The following CPA6 variants were observed in gnomAD, a reference collection of about 807,000 sequenced individuals.
The protein encoded by CPA6 is carboxypeptidase A6, also known as carboxypeptidase B.
Under a neutral mutation model 63.3 loss-of-function variants are expected in CPA6, and 58 were observed. The observed-to-expected ratio is 0.92, with a 90% CI of 0.74 to 1.14. The LOEUF is 1.14. Among genes scored for constraint, CPA6 ranks in the 50% most tolerant of loss-of-function variants. The pLI, the probability that CPA6 is intolerant of heterozygous loss-of-function variation, is 0.00. For missense variants in CPA6, 565 were observed against 526.6 expected, an observed-to-expected ratio of 1.07 and a Z score of -0.71; for synonymous variants, 185 against 179.0, an observed-to-expected ratio of 1.03 and a Z score of -0.27.
intron 1 of CPA6, among the ~76,000 whole-genome samples, chr8:67,640,371 C>G (rs902836156): frequency 6.6e-6 from 1 of 151,490 alleles, no homozygotes; most frequent in East Asian, 1.9e-4. Context: ...TGCCCCAAAT[C>G]CAGAGGGGGT....
chr8:67,543,068 T>C (rs1587541077), intron 2 of CPA6, among the ~76,000 whole-genome samples: 1 of 152,384 alleles, frequency 6.6e-6, no homozygotes, highest in Middle Eastern at 3.4e-3. Flanking sequence ...TTCTTGTTGT[T>C]GTTGTTAGTA....
At chr8:67,546,597 C>A (rs1413441656) in intron 2 of CPA6, among the ~76,000 whole-genome samples, 3 of 152,194 alleles carry the variant, frequency 2.0e-5, no homozygotes, top group Non-Finnish European at 4.4e-5. Context: ...TCAGGATTAG[C>A]TTGAAGAGCT....
At chr8:67,438,045 T>C (rs1810202172) in intron 8 of CPA6, among the ~76,000 whole-genome samples, 1 of 152,106 alleles carries the variant, frequency 6.6e-6, no homozygotes, top group African/African-American at 2.4e-5. Flanking sequence ...GCCTCCCGAG[T>C]ACCTGAGATT....
At chr8:67,656,919 A>C (rs1815998923) in intron 1 of CPA6, among the ~76,000 whole-genome samples, 1 of 152,218 alleles carries the variant, frequency 6.6e-6, no homozygotes, top group South Asian at 2.1e-4. Context: ...TTGGCATCAA[A>C]GCCTGACTCA....
intron 1 of CPA6, among the ~76,000 whole-genome samples, chr8:67,630,253 G>T (rs2128987935): frequency 6.6e-6 from 1 of 152,084 alleles, no homozygotes; most frequent in Non-Finnish European, 1.5e-5. Flanking sequence ...ACTCTGGATA[G>T]GACGCCATCC....
intron 2 of CPA6, among the ~76,000 whole-genome samples, chr8:67,599,780 G>C (rs544194205): frequency 6.6e-6 from 1 of 152,312 alleles, no homozygotes; most frequent in African/African-American, 2.4e-5. Context: ...AGAATGCCAT[G>C]ATGATACTTT....
At chr8:67,474,676 T>C (rs887562969) in intron 8 of CPA6, among the ~76,000 whole-genome samples, 1 of 152,104 alleles carries the variant, frequency 6.6e-6, no homozygotes, top group African/African-American at 2.4e-5. Context: ...AGAAACATAA[T>C]TAAGAACCAG....
intron 6 of CPA6, among the ~76,000 whole-genome samples, chr8:67,495,881 C>T (rs931085439): frequency 1.3e-5 from 2 of 152,042 alleles, no homozygotes; most frequent in African/African-American, 2.4e-5. Context: ...TTCATTGGAC[C>T]AAACTCTGCC....
chr8:67,518,681 A>T (rs1587514921), intron 2 of CPA6, among the ~76,000 whole-genome samples: 1 of 148,638 alleles, frequency 6.7e-6, no homozygotes, highest in Non-Finnish European at 1.5e-5. Flanking sequence ...TAATTTTTGT[A>T]TTTTTTTTTA....
chr8:67,554,628 C>A (rs1328276630), intron 2 of CPA6, among the ~76,000 whole-genome samples: 1 of 152,178 alleles, frequency 6.6e-6, no homozygotes, highest in Admixed American at 6.5e-5. Flanking sequence ...ATGACTCAGT[C>A]CAAGTCCAAA....
At chr8:67,458,289 C>A (rs57438989) in intron 8 of CPA6, among the ~76,000 whole-genome samples, 9,986 of 152,130 alleles carry the variant, frequency 0.066, 732 homozygotes, top group African/African-American at 0.18. Context: ...CTCCACCTCC[C>A]AGGTTCAAGT....
At chr8:67,672,066 G>A (rs1335814911) in intron 1 of CPA6, among the ~76,000 whole-genome samples, 1 of 152,160 alleles carries the variant, frequency 6.6e-6, no homozygotes, top group Non-Finnish European at 1.5e-5. Context: ...CTGACCTCAT[G>A]TGATCCACCT....
chr8:67,503,053 T>G (rs1390785067), intron 6 of CPA6, among the ~76,000 whole-genome samples: 1 of 152,174 alleles, frequency 6.6e-6, no homozygotes, highest in Non-Finnish European at 1.5e-5. Flanking sequence ...ATTTGTTTAT[T>G]TTTGAGATGG....
At chr8:67,663,529 C>A (rs1024024764) in intron 1 of CPA6, among the ~76,000 whole-genome samples, 1 of 152,102 alleles carries the variant, frequency 6.6e-6, no homozygotes, top group Admixed American at 6.6e-5. Context: ...TCCCCCACCC[C>A]ACTCCCCAAC....
chr8:67,490,117 T>C (rs1042492586), intron 6 of CPA6, among the ~76,000 whole-genome samples: 15 of 152,182 alleles, frequency 9.9e-5, no homozygotes, highest in Admixed American at 9.2e-4. Context: ...GAACAGGACA[T>C]TTAGGAGAAT....
chr8:67,720,257 C>T (rs1339389237), intron 1 of CPA6, among the ~76,000 whole-genome samples: 11 of 151,994 alleles, frequency 7.2e-5, no homozygotes, highest in African/African-American at 1.9e-4. Flanking sequence ...AGGCAAGGAC[C>T]GGCCATTTAC....
At position 67,708,974 on chromosome 8, in the gene CPA6, A is replaced by G. The variant is rs139973209; in HGVS notation, c.116+37040T>C. Among the ~76,000 whole-genome samples, 315 of 152,256 alleles carry G rather than the reference A, an allele frequency of 2.1e-3. 3 individuals carry two copies. The highest frequency in any genetic ancestry group is 0.011 in the South Asian group (55 of 4,820). ...GTTCCAGGGAAAGGCAGTCTCCCAG[A>G]AGTTAGAAAACACCTGAATCTAGTG... On this transcript the variant is annotated intron_variant, in intron 1 of 10. Coordinates refer to ENST00000297770, the MANE Select transcript of CPA6 (RefSeq NM_020361.5).
At chr8:67,586,689 G>T (rs941961190) in intron 2 of CPA6, among the ~76,000 whole-genome samples, 3 of 152,136 alleles carry the variant, frequency 2.0e-5, no homozygotes, top group Non-Finnish European at 4.4e-5. Context: ...GAAATATAGA[G>T]CTTTTTTCAT....
intron 6 of CPA6, among the ~76,000 whole-genome samples, chr8:67,488,701 C>T (rs1204346516): frequency 6.6e-6 from 1 of 152,126 alleles, no homozygotes; most frequent in Non-Finnish European, 1.5e-5. Flanking sequence ...AATGTTCTTC[C>T]ATTTGTTTGT....
Sources: allele counts gnomAD v4.1 joint callset (sites outside exome capture counted in the v4.1 genomes callset), GRCh38; gene constraint gnomAD v4.1.1; transcripts MANE v1.5; gene names NCBI Gene and HGNC (gene_info 2026-07-23, HGNC 2026-07-21).